Variants in SPHKAP observed in about 807,000 individuals in gnomAD.
The protein encoded by SPHKAP is A-kinase anchor protein SPHKAP.
In SPHKAP, 67 loss-of-function variants were observed where a neutral mutation model predicts 137.5. That is an observed-to-expected ratio of 0.49 (90% confidence interval 0.40 to 0.60). The LOEUF is 0.60. SPHKAP is among the 20% of genes least tolerant of loss of function. The probability of loss-of-function intolerance (pLI) is 0.00; values close to 1 mark genes in which losing one functional copy is unlikely to be tolerated. For synonymous variants in SPHKAP, 813 were observed against 785.3 expected, an observed-to-expected ratio of 1.04 and a Z score of -0.59; for missense variants, 2,097 against 2,069.3, an observed-to-expected ratio of 1.01 and a Z score of -0.26.
In SPHKAP at chr2:228,141,120, G is replaced by A. The variant is rs569228477; in HGVS notation, c.33-9035C>T. ...TGTGATCTCTAACACTCCTTTAAGTGCTTTGCTTCTGTGACCGTGTCATCT... is the reference window on the plus strand; with the variant it reads ...TGTGATCTCTAACACTCCTTTAAGTACTTTGCTTCTGTGACCGTGTCATCT... On this transcript the variant is annotated intron_variant, in intron 1 of 11. Coordinates refer to ENST00000392056, the MANE Select transcript of SPHKAP (RefSeq NM_001142644.2). 1.5e-4 allele frequency among the ~76,000 whole-genome samples: 23 copies of A among 152,266 alleles called. 1 individual carries two copies. In the South Asian group the frequency reaches 4.8e-3, roughly 32 times the overall value.
intron 5 of SPHKAP, 152 bp from the exon 6 acceptor site, chr2:228,022,118 G>A: frequency 1.5e-6 from 2 of 1,315,290 alleles, no homozygotes; most frequent in Non-Finnish European, 1.9e-6. Flanking sequence ...TTAATAAACT[G>A]CTTGAAAAAA....
intron 1 of SPHKAP, among the ~76,000 whole-genome samples, chr2:228,176,483 G>A (rs1700744255): frequency 6.6e-6 from 1 of 152,224 alleles, no homozygotes; most frequent in African/African-American, 2.4e-5. Context: ...CTGGACGTCA[G>A]CACATCCAGG....
At chr2:228,016,158 G>A (rs1211668170) in intron 7 of SPHKAP, among the ~76,000 whole-genome samples, 1 of 151,584 alleles carries the variant, frequency 6.6e-6, no homozygotes, top group Non-Finnish European at 1.5e-5. Context: ...ATTAACCTAG[G>A]AGATCATTTT....
At chr2:227,994,632 T>C (rs1693551446) in intron 8 of SPHKAP, among the ~76,000 whole-genome samples, 1 of 152,196 alleles carries the variant, frequency 6.6e-6, no homozygotes, top group Admixed American at 6.5e-5. Flanking sequence ...CCAGGCATAT[T>C]CATGTATTGA....
At chr2:228,116,083 T>C (rs977822747) in intron 2 of SPHKAP, among the ~76,000 whole-genome samples, 13 of 152,176 alleles carry the variant, frequency 8.5e-5, no homozygotes, top group Admixed American at 2.6e-4. Flanking sequence ...CCTCTAGAAC[T>C]GTGAGCAATA....
intron 3 of SPHKAP, among the ~76,000 whole-genome samples, chr2:228,046,801 G>A (rs1696074789): frequency 6.6e-6 from 1 of 151,952 alleles, no homozygotes; most frequent in Non-Finnish European, 1.5e-5. Flanking sequence ...CTCTATTCAG[G>A]GCCTTCAGAA....
chr2:227,998,567 G>A (rs930203152), intron 7 of SPHKAP, among the ~76,000 whole-genome samples: 1 of 152,162 alleles, frequency 6.6e-6, no homozygotes, highest in Non-Finnish European at 1.5e-5. Flanking sequence ...ATGGTACCCT[G>A]ACTGTGGAGA....
At chr2:228,139,404 AAT>A in intron 1 of SPHKAP, among the ~76,000 whole-genome samples, 2 of 152,162 alleles carry the variant, frequency 1.3e-5, no homozygotes, top group Non-Finnish European at 2.9e-5. Flanking sequence ...TAAACTTCCT[AAT>A]GTAAGAAAAC....
Position 228,004,484 on chromosome 2 carries a change from T to C in SPHKAP, c.4449-8790A>G, listed in dbSNP as rs571960832. On this transcript the variant is annotated intron_variant, in intron 7 of 11. Coordinates refer to ENST00000392056, the MANE Select transcript of SPHKAP (RefSeq NM_001142644.2). ...TAGTCTTGCTAGCGGTCTATCAATTTTGTTGATCTTTTCAAAAAATCAGCT... is the reference window on the plus strand; with the variant it reads ...TAGTCTTGCTAGCGGTCTATCAATTCTGTTGATCTTTTCAAAAAATCAGCT... Among the ~76,000 whole-genome samples, 6 of 152,332 alleles carry C rather than the reference T, an allele frequency of 3.9e-5. No individual in the cohort carries two copies. In the South Asian group the frequency reaches 8.3e-4, roughly 21 times the overall value.
At chr2:227,994,512 T>A (rs969364379) in intron 8 of SPHKAP, among the ~76,000 whole-genome samples, 4 of 150,730 alleles carry the variant, frequency 2.7e-5, no homozygotes, top group African/African-American at 9.8e-5. Flanking sequence ...CGTCGTGTAG[T>A]GGGACGGCTT....
chr2:227,994,019 C>T, intron 8 of SPHKAP: 1 of 984,938 alleles, frequency 1.0e-6, no homozygotes, highest in South Asian at 4.7e-5. Flanking sequence ...GATGAAGGAA[C>T]TTCTGAAAAC....
rs1699235912 is a variant in SPHKAP, at chr2:228,131,112, C to T, written c.138+868G>A. Among the ~76,000 whole-genome samples the T allele has an allele frequency of 2.0e-5, 3 of 151,902 alleles. No homozygotes were observed. In the South Asian group the frequency reaches 6.2e-4, roughly 32 times the overall value. ...CTGGGTATACATATATATATCTCTA[C>T]ACATATATATGTGTAGATATATATG... On this transcript the variant is annotated intron_variant, in intron 2 of 11. Transcript: ENST00000392056.
chr2:228,031,129 G>T (rs1411776398), intron 3 of SPHKAP, among the ~76,000 whole-genome samples: 1 of 152,222 alleles, frequency 6.6e-6, no homozygotes, highest in East Asian at 1.9e-4. Context: ...AAAGAAAGGG[G>T]TGACAGACGG....
chr2:228,060,940 C>T lies in SPHKAP; in HGVS notation c.247-33397G>A, dbSNP rs111663893. 7.6e-3 allele frequency among the ~76,000 whole-genome samples: 1,163 copies of T among 152,246 alleles called. 4 individuals carry two copies. Among genetic ancestry groups the T allele is most frequent in the Non-Finnish European group, 0.013 (890 of 68,020 alleles). On this transcript the variant is annotated intron_variant, in intron 3 of 11. Transcript: ENST00000392056. ...AACAGCAGCCCTTGAAAGGGGAAAG[C>T]GATGGCTTCATCTCTAAGAGGAGAA...
chr2:228,156,263 T>C (rs963949007), intron 1 of SPHKAP, among the ~76,000 whole-genome samples: 1 of 152,216 alleles, frequency 6.6e-6, no homozygotes, highest in Non-Finnish European at 1.5e-5. Flanking sequence ...GTGTTCCTAA[T>C]GTACTGGCTC....
intron 1 of SPHKAP, among the ~76,000 whole-genome samples, chr2:228,155,815 C>T (rs1329233105): frequency 1.3e-5 from 2 of 152,176 alleles, no homozygotes; most frequent in Non-Finnish European, 2.9e-5. Flanking sequence ...TGAGAGAAAT[C>T]CTATAAATGT....
Position 227,980,589 on chromosome 2 carries a change from G to A in SPHKAP, c.*1128C>T, listed in dbSNP as rs1193780556. The stretch of plus-strand genomic sequence containing the variant: ...TCTCTGTTATTAAAATAACTAAAAT[G>A]TGTCAAAGTCTTCTTTTCCCCCAAT... On this transcript the variant is annotated 3_prime_UTR_variant, in exon 12 of 12. Transcript: ENST00000392056. 6.6e-6 allele frequency: 1 copy of A among 152,140 alleles called. No homozygotes were observed. The highest frequency in any genetic ancestry group is 6.5e-5 in the Admixed American group (1 of 15,270). The allele number at this position is 152,140 out of a possible 1,614,324, so 9.4% of individuals were successfully genotyped here. A position where few individuals can be genotyped will look rare whatever the true frequency, so the allele number is the denominator to read the frequency against.
At chr2:228,054,431 T>C (rs1222428842) in intron 3 of SPHKAP, among the ~76,000 whole-genome samples, 2 of 151,972 alleles carry the variant, frequency 1.3e-5, no homozygotes, top group East Asian at 3.9e-4. Flanking sequence ...CAGGAGAAAG[T>C]GTAGAATGGT....
intron 7 of SPHKAP, 62 bp downstream of exon 7, chr2:228,016,344 C>A: frequency 1.4e-6 from 2 of 1,476,526 alleles, no homozygotes; most frequent in South Asian, 3.0e-5. Flanking sequence ...TTAGACTAAA[C>A]ACTGATTAAG....
Sources: gnomAD v4.1 joint callset for allele counts (sites outside exome capture counted in the v4.1 genomes callset) on GRCh38, gnomAD v4.1.1 for gene constraint, MANE v1.5 for transcripts, NCBI Gene and HGNC (gene_info 2026-07-23, HGNC 2026-07-21) for gene names.